ST14: variants seen among roughly 807,000 people sequenced by gnomAD.
The protein encoded by ST14 is ST14 transmembrane serine protease matriptase.
ST14 carries 40 observed loss-of-function variants against 96.5 expected under a neutral mutation model. That is an observed-to-expected ratio of 0.41 (90% CI 0.32 to 0.54). The LOEUF (loss-of-function observed/expected upper bound fraction) is 0.54. Ranked by LOEUF, ST14 falls within the 20% of genes least tolerant of loss-of-function variation. The pLI is 0.17. For synonymous variants in ST14, 506 were observed against 492.1 expected, an observed-to-expected ratio of 1.03 and a Z score of -0.37; for missense variants, 1,066 against 1,188.9, an observed-to-expected ratio of 0.90 and a Z score of 1.52.
Position 130,159,857 on chromosome 11 carries a change from C to A in ST14, c.-123C>A, listed in dbSNP as rs1952984813. The A allele has an allele frequency of 5.5e-6, 2 of 362,242 alleles. No homozygotes were observed. The highest frequency in any genetic ancestry group is 1.3e-4 in the South Asian group (1 of 7,676). The allele number at this position is 362,242 out of a possible 1,614,324, so 22.4% of individuals were successfully genotyped here. A position where few individuals can be genotyped will look rare whatever the true frequency, so the allele number is the denominator to read the frequency against. The stretch of plus-strand genomic sequence containing the variant: ...CCAGGGCGAGGGCACCGCCGCCGGT[C>A]GGGCGCGCTGGGCCTGCCCGGAATC... On this transcript the variant is annotated 5_prime_UTR_variant, in exon 1 of 19. Coordinates refer to ENST00000278742, the MANE Select transcript of ST14 (RefSeq NM_021978.4).
At chr11:130,185,964 C>T (rs1425726978) in intron 1 of ST14, among the ~76,000 whole-genome samples, 6 of 152,086 alleles carry the variant, frequency 3.9e-5, no homozygotes, top group Non-Finnish European at 8.8e-5. Context: ...CGTGCCACCG[C>T]GCCTGGCTAA....
chr11:130,175,145 T>C (rs974995947), intron 1 of ST14, among the ~76,000 whole-genome samples: 1 of 152,140 alleles, frequency 6.6e-6, no homozygotes. Context: ...TCACGTGCCA[T>C]CCCTAAGATA....
At chr11:130,176,400 C>CT (rs1473684561) in intron 1 of ST14, among the ~76,000 whole-genome samples, 1 of 139,198 alleles carries the variant, frequency 7.2e-6, no homozygotes, top group Non-Finnish European at 1.6e-5. Flanking sequence ...TTTTCTTTTT[C>CT]TTTTTTCAGA....
chr11:130,188,467 C>T lies in ST14; in HGVS notation c.242-63C>T, dbSNP rs554691386. The T allele has an allele frequency of 2.7e-5, 44 of 1,610,796 alleles. No homozygotes were observed. The Middle Eastern group carries it at 5.1e-4, about 19-fold the overall frequency. On this transcript the variant is annotated intron_variant, in intron 2 of 18. Transcript: ENST00000278742. This position sits in a 1 kb window ranked among gnomAD's most constrained non-coding sequence, Gnocchi z 5.4. ...CCTGGCATTCATTCCCCATTGTGGACGGCGAGGGACAGGCGGGGGTGGTAC... is the reference window on the plus strand; with the variant it reads ...CCTGGCATTCATTCCCCATTGTGGATGGCGAGGGACAGGCGGGGGTGGTAC...
chr11:130,199,131 G>T, intron 15 of ST14, 62 bp downstream of exon 15: 1 of 1,552,568 alleles, frequency 6.4e-7, no homozygotes, highest in South Asian at 1.1e-5. Context: ...CCCACCAGAG[G>T]GTGCACCTGG....
At chr11:130,209,355 T>C in intron 17 of ST14, 87 bp from the exon 18 acceptor site, 1 of 1,527,822 alleles carries the variant, frequency 6.5e-7, no homozygotes, top group Non-Finnish European at 8.8e-7. Context: ...TCCAGAGTTT[T>C]CTAGTCCAAT....
intron 1 of ST14, among the ~76,000 whole-genome samples, chr11:130,182,652 C>CTTT (rs766643910): frequency 2.3e-4 from 31 of 137,422 alleles, no homozygotes; most frequent in African/African-American, 8.0e-4. Context: ...TGTTAAATAT[C>CTTT]TTTTTTTTTT....
intron 18 of ST14, 30 bp from the exon 19 acceptor site, chr11:130,209,632 G>T: frequency 6.3e-7 from 1 of 1,583,534 alleles, no homozygotes. Context: ...GCGGGACTGG[G>T]GACTCACGGC....
At chr11:130,201,964 A>G (rs944038810) in intron 16 of ST14, among the ~76,000 whole-genome samples, 1 of 152,306 alleles carries the variant, frequency 6.6e-6, no homozygotes, top group Middle Eastern at 3.4e-3. Flanking sequence ...GCTTTCTGGC[A>G]CTACCAGGTA....
At position 130,163,206 on chromosome 11, in the gene ST14, C is replaced by A. The variant is rs552920853; in HGVS notation, c.81+3146C>A. On this transcript the variant is annotated intron_variant, in intron 1 of 18. Transcript: ENST00000278742. Reference sequence around the variant, plus strand: ...TGACCTCACAGAGGAGCCATCCTGCCCTGCCAAACACAGGGAAGTGCCCCC... The same window carrying A: ...TGACCTCACAGAGGAGCCATCCTGCACTGCCAAACACAGGGAAGTGCCCCC... Among the ~76,000 whole-genome samples the A allele has an allele frequency of 1.6e-3, 238 of 152,220 alleles. 3 individuals carry two copies. Among genetic ancestry groups the A allele is most frequent in the Middle Eastern group, 3.4e-3 (1 of 294 alleles).
Position 130,187,837 on chromosome 11 carries a change from T to C in ST14, c.82-277T>C, listed in dbSNP as rs550514619. Among the ~76,000 whole-genome samples the C allele has an allele frequency of 5.3e-5, 8 of 152,228 alleles. No individual in the cohort carries two copies. The East Asian group carries it at 1.6e-3, about 30-fold the overall frequency. ...ATTGCGTTTTAATTTAAATGAACAA[T>C]TCGTAAGCAATGATCGCCTGGTGCT... On this transcript the variant is annotated intron_variant, in intron 1 of 18. Coordinates refer to ENST00000278742, the MANE Select transcript of ST14 (RefSeq NM_021978.4). The surrounding 1 kb of genome is among the most constrained non-coding windows in gnomAD (Gnocchi z 4.5).
chr11:130,198,663 C>A, intron 14 of ST14, 42 bp downstream of exon 14: 1 of 1,571,064 alleles, frequency 6.4e-7, no homozygotes. Context: ...GGGCCTCGCC[C>A]CTGGAGGAGG....
At chr11:130,190,355 G>C in intron 6 of ST14, 99 bp from the exon 7 acceptor site, 1 of 1,576,026 alleles carries the variant, frequency 6.3e-7, no homozygotes, top group Non-Finnish European at 8.6e-7. Flanking sequence ...GTCTCGAAGG[G>C]GCGAGGCCTG....
intron 1 of ST14, among the ~76,000 whole-genome samples, chr11:130,175,664 G>A (rs996187539): frequency 1.6e-4 from 24 of 149,052 alleles, no homozygotes; most frequent in African/African-American, 5.7e-4. Flanking sequence ...GATTACAGGC[G>A]TGAGCCACCA....
chr11:130,193,099 G>C (rs1362237952), intron 7 of ST14, among the ~76,000 whole-genome samples: 1 of 127,110 alleles, frequency 7.9e-6, no homozygotes, highest in Non-Finnish European at 1.7e-5. Flanking sequence ...ACCATGCCAG[G>C]CATGTTTTTT....
At chr11:130,204,124 G>A (rs145820699) in intron 16 of ST14, among the ~76,000 whole-genome samples, 99 of 152,280 alleles carry the variant, frequency 6.5e-4, no homozygotes, top group Admixed American at 1.2e-3. Flanking sequence ...TTGTCACGCT[G>A]TAATTGGTGG....
intron 7 of ST14, among the ~76,000 whole-genome samples, chr11:130,191,197 T>C (rs1321945021): frequency 6.6e-6 from 1 of 151,748 alleles, no homozygotes; most frequent in Non-Finnish European, 1.5e-5. Context: ...AATAAAAAGC[T>C]TAGCTGGGTG....
At chr11:130,169,301 G>T (rs1022253608) in intron 1 of ST14, among the ~76,000 whole-genome samples, 2 of 152,068 alleles carry the variant, frequency 1.3e-5, no homozygotes, top group African/African-American at 4.8e-5. Flanking sequence ...CGCCATGTTG[G>T]CCAGACTGGT....
At chr11:130,170,637 G>A (rs1406586091) in intron 1 of ST14, among the ~76,000 whole-genome samples, 2 of 151,978 alleles carry the variant, frequency 1.3e-5, no homozygotes, top group African/African-American at 2.4e-5. Flanking sequence ...ATTCCGAGCA[G>A]GCAGATGGGT....
Sources: gnomAD v4.1 joint callset for allele counts (sites outside exome capture counted in the v4.1 genomes callset) on GRCh38, gnomAD v4.1.1 for gene constraint, Gnocchi (gnomAD v3.1) non-coding constraint, MANE v1.5 for transcripts, NCBI Gene and HGNC (gene_info 2026-07-23, HGNC 2026-07-21) for gene names.